Variants in IGF1R observed in about 807,000 individuals in gnomAD.
The protein encoded by IGF1R is insulin like growth factor 1 receptor.
IGF1R carries 44 observed loss-of-function variants against 144.6 expected under a neutral mutation model. The ratio of observed to expected loss-of-function variants is 0.30; its 90% CI spans 0.24 to 0.39. The LOEUF (loss-of-function observed/expected upper bound fraction) is 0.39. IGF1R is among the 10% of genes least tolerant of loss of function. The pLI is 1.00. For missense variants in IGF1R, 1,355 were observed against 1,833.7 expected, an observed-to-expected ratio of 0.74 and a Z score of 4.77; for synonymous variants, 795 against 722.8, an observed-to-expected ratio of 1.10 and a Z score of -1.60.
rs571922210 is a variant in IGF1R at position 98,720,941 on chromosome 15, T to G, written c.640+12834T>G. Among the ~76,000 whole-genome samples, 6 of 152,326 alleles carry G rather than the reference T, an allele frequency of 3.9e-5. No homozygotes were observed. The East Asian group carries it at 1.2e-3, about 29-fold the overall frequency. Reference sequence around the variant, plus strand: ...ATGGCCAGTGATTGATGTCTTCTTCTATGATGCTGCTGAAATGCTGGGGAC... The same window carrying G: ...ATGGCCAGTGATTGATGTCTTCTTCGATGATGCTGCTGAAATGCTGGGGAC... On this transcript the variant is annotated intron_variant, in intron 2 of 20. Transcript: ENST00000650285.
chr15:98,911,396 C>T lies in IGF1R; in HGVS notation c.1544C>T (p.Pro515Leu), dbSNP rs2151674379. ...IIITWHRYRP[P>L]DYRDLISFTV... ...ATAACCTGGCACCGGTACCGGCCCC[C>T]TGACTACAGGGATCTCATCAGCTTC... Residue 515 changes from proline (P) to leucine (L), a missense_variant, in exon 7 of 21, where the codon CCT becomes CTT. Physicochemically the swap from Pro to Leu is moderately conservative, Grantham distance 98 (BLOSUM62 -3). Around this residue, in one of 7 missense-constraint regions of IGF1R, gnomAD observed 880 missense variants for 1,202.7 expected, o/e 0.73. Transcript: ENST00000650285. The T allele has an allele frequency of 6.2e-7, 1 of 1,614,212 alleles. No individual in the cohort carries two copies. Among genetic ancestry groups the T allele is most frequent in the Non-Finnish European group, 8.5e-7 (1 of 1,180,038 alleles).
intron 2 of IGF1R, among the ~76,000 whole-genome samples, chr15:98,800,712 C>G (rs1415406965): frequency 6.6e-6 from 1 of 152,104 alleles, no homozygotes; most frequent in Admixed American, 6.5e-5. Context: ...GGTATCTGAG[C>G]GATTGTCTGT....
chr15:98,819,529 C>G (rs188459134), intron 2 of IGF1R, among the ~76,000 whole-genome samples: 1 of 152,258 alleles, frequency 6.6e-6, no homozygotes, highest in East Asian at 1.9e-4. Flanking sequence ...GACACTGAAT[C>G]TGCCAGTGCC....
Position 98,683,419 on chromosome 15 carries a change from G to C in IGF1R, c.95-24143G>C, listed in dbSNP as rs115176513. On this transcript the variant is annotated intron_variant, in intron 1 of 20. Transcript: ENST00000650285. ...CCCATCATTGGGGCTGTTTCTGCTC[G>C]GAAGGCCAGGAAGTTGCTGGAAGTC... is the stretch of plus-strand genomic sequence containing the variant. 7.2e-3 allele frequency among the ~76,000 whole-genome samples: 1,093 copies of C among 152,294 alleles called. 6 individuals carry two copies. Among genetic ancestry groups the C allele is most frequent in the South Asian group, 0.022 (107 of 4,826 alleles).
intron 5 of IGF1R, among the ~76,000 whole-genome samples, chr15:98,905,142 G>A (rs1388171231): frequency 6.6e-6 from 1 of 152,154 alleles, no homozygotes; most frequent in Non-Finnish European, 1.5e-5. Context: ...TCTGAACCGT[G>A]TACCTGGGGC....
chr15:98,728,826 A>G (rs1051225576), intron 2 of IGF1R, among the ~76,000 whole-genome samples: 2 of 152,212 alleles, frequency 1.3e-5, no homozygotes, highest in Non-Finnish European at 2.9e-5. Flanking sequence ...TATGACAAGA[A>G]AGCTCTTTGT....
At chr15:98,816,011 C>T (rs1163998698) in intron 2 of IGF1R, among the ~76,000 whole-genome samples, 3 of 152,228 alleles carry the variant, frequency 2.0e-5, no homozygotes, top group Non-Finnish European at 4.4e-5. Flanking sequence ...GTCTTCCATA[C>T]TCAAGCTGTG....
chr15:98,748,360 G>A (rs914197184), intron 2 of IGF1R, among the ~76,000 whole-genome samples: 1 of 152,052 alleles, frequency 6.6e-6, no homozygotes, highest in African/African-American at 2.4e-5. Context: ...TTTTTGTAGA[G>A]ATGGAGGTCT....
intron 2 of IGF1R, among the ~76,000 whole-genome samples, chr15:98,852,458 C>T (rs1178281460): frequency 6.6e-6 from 1 of 152,250 alleles, no homozygotes; most frequent in South Asian, 2.1e-4. Context: ...TTGGGAAATT[C>T]CACCTTTCCG....
At chr15:98,918,705 C>G (rs1279763978) in intron 10 of IGF1R, among the ~76,000 whole-genome samples, 2 of 152,198 alleles carry the variant, frequency 1.3e-5, no homozygotes, top group African/African-American at 2.4e-5. Flanking sequence ...TGGTGAAACC[C>G]TGTCTCTACT....
At chr15:98,830,341 T>G (rs1390603290) in intron 2 of IGF1R, among the ~76,000 whole-genome samples, 4 of 152,214 alleles carry the variant, frequency 2.6e-5, no homozygotes, top group Non-Finnish European at 5.9e-5. Context: ...TTGCCATGTG[T>G]TTTCATTTCT....
At position 98,963,312 on chromosome 15, in the gene IGF1R, TC is replaced by T. The variant is rs900848506; in HGVS notation, c.*5876del. The T allele has an allele frequency of 1.3e-5, 3 of 233,090 alleles. No homozygotes were observed. The highest frequency in any genetic ancestry group is 1.2e-4 in the East Asian group (2 of 16,574). 14.4% of individuals were successfully genotyped at this position (233,090 alleles called of 1,614,324 possible). ...ACCCCATCCGTGGTTCACCCTCTTT[TC>T]CCCCCATGCTTTTTGCCCTAGTTTA... is the stretch of plus-strand genomic sequence containing the variant. On this transcript the variant is annotated 3_prime_UTR_variant, in exon 21 of 21. Coordinates refer to ENST00000650285, the MANE Select transcript of IGF1R (RefSeq NM_000875.5).
chr15:98,650,003 G>C (rs1236527416), intron 1 of IGF1R, among the ~76,000 whole-genome samples: 2 of 152,140 alleles, frequency 1.3e-5, no homozygotes, highest in African/African-American at 4.8e-5. Flanking sequence ...CGGGCTCCGC[G>C]GTTCCCGGGC....
chr15:98,851,569 T>TC (rs2011529871), intron 2 of IGF1R, among the ~76,000 whole-genome samples: 1 of 151,840 alleles, frequency 6.6e-6, no homozygotes, highest in Admixed American at 6.5e-5. Context: ...GGACTCTGGC[T>TC]CAGGACCTCT....
intron 10 of IGF1R, among the ~76,000 whole-genome samples, chr15:98,917,119 G>A (rs1450341384): frequency 2.0e-5 from 3 of 152,206 alleles, no homozygotes; most frequent in Non-Finnish European, 4.4e-5. Context: ...AGGTACTGCT[G>A]TCTCAGCCAC....
At position 98,908,956 on chromosome 15, in the gene IGF1R, T is replaced by TC; in HGVS notation, c.1462+59dup. 2.7e-6 allele frequency: 4 copies of TC among 1,478,780 alleles called. No homozygotes were observed. In the Admixed American group the frequency reaches 5.5e-5, roughly 21 times the overall value. 91.6% of individuals were successfully genotyped at this position (1,478,780 alleles called of 1,614,324 possible). A position where few individuals can be genotyped will look rare whatever the true frequency, so the allele number is the denominator to read the frequency against. ...CAACCATCATGATAACAGCAGACCC[T>TC]CCTCCCATGTGTGATGGCAGCTTTC... On this transcript the variant is annotated intron_variant, in intron 6 of 20. Coordinates refer to ENST00000650285, the MANE Select transcript of IGF1R (RefSeq NM_000875.5).
At chr15:98,664,041 A>G (rs1160672984) in intron 1 of IGF1R, among the ~76,000 whole-genome samples, 2 of 152,184 alleles carry the variant, frequency 1.3e-5, no homozygotes, top group Non-Finnish European at 2.9e-5. Context: ...TCACTTGACA[A>G]ATAACATTAA....
rs959679598 is a variant in IGF1R, at chr15:98,938,823, G to A, written c.3298-378G>A. Among the ~76,000 whole-genome samples the A allele has an allele frequency of 4.6e-5, 7 of 152,290 alleles. No individual in the cohort carries two copies. The East Asian group carries it at 1.3e-3, about 29-fold the overall frequency. ...TCTCCTTCCTCTTACCTGTACTTCGGTGATGGAAATAAAAGGAACATATAA... is the reference window on the plus strand; with the variant it reads ...TCTCCTTCCTCTTACCTGTACTTCGATGATGGAAATAAAAGGAACATATAA... On this transcript the variant is annotated intron_variant, in intron 17 of 20. Transcript: ENST00000650285.
At chr15:98,743,805 A>G (rs891477564) in intron 2 of IGF1R, among the ~76,000 whole-genome samples, 1 of 152,206 alleles carries the variant, frequency 6.6e-6, no homozygotes, top group Non-Finnish European at 1.5e-5. Context: ...AGGCAATGCA[A>G]AAGGCAAAGT....
Sources: gnomAD v4.1 joint callset for allele counts (sites outside exome capture counted in the v4.1 genomes callset) on GRCh38, gnomAD v4.1.1 for gene constraint, gnomAD v4.1.1 regional missense constraint, MANE v1.5 for transcripts, NCBI Gene and HGNC (gene_info 2026-07-23, HGNC 2026-07-21) for gene names.